THEMIS: variants seen among roughly 807,000 people sequenced by gnomAD.
THEMIS encodes thymocyte selection associated, also known as protein THEMIS.
In THEMIS, 37 loss-of-function variants were observed where a neutral mutation model predicts 52.6. That is an observed-to-expected ratio of 0.70 (90% CI 0.54 to 0.93). THEMIS has a LOEUF of 0.93. Among genes scored for constraint, THEMIS ranks in the 40% least tolerant of loss-of-function variants. The probability of loss-of-function intolerance (pLI) is 0.00; values close to 1 mark genes in which losing one functional copy is unlikely to be tolerated. For synonymous variants in THEMIS, 292 were observed against 272.7 expected (o/e 1.07, Z -0.70); for missense variants, 808 against 763.1 (o/e 1.06, Z -0.69).
intron 4 of THEMIS, among the ~76,000 whole-genome samples, chr6:127,734,969 A>G (rs1356877386): frequency 7.6e-6 from 1 of 132,416 alleles, no homozygotes. Flanking sequence ...GTGTGTGTGT[A>G]TATGTGTGTG....
chr6:127,806,055 C>T (rs1340074545), intron 4 of THEMIS, among the ~76,000 whole-genome samples: 1 of 151,748 alleles, frequency 6.6e-6, no homozygotes, highest in Admixed American at 6.6e-5. Context: ...TGATTACAGG[C>T]ACTAAAATTT....
At chr6:127,775,194 T>A (rs1396046615) in intron 4 of THEMIS, among the ~76,000 whole-genome samples, 1 of 152,178 alleles carries the variant, frequency 6.6e-6, no homozygotes, top group African/African-American at 2.4e-5. Flanking sequence ...TGCAGCTGCA[T>A]AGTGTTCTTA....
chr6:127,842,358 A>G (rs1039389680), intron 2 of THEMIS, among the ~76,000 whole-genome samples: 1 of 152,038 alleles, frequency 6.6e-6, no homozygotes, highest in Non-Finnish European at 1.5e-5. Flanking sequence ...AGAATTAACA[A>G]TGTTAATGTA....
At chr6:127,789,397 A>C (rs1419417468) in intron 4 of THEMIS, among the ~76,000 whole-genome samples, 1 of 152,116 alleles carries the variant, frequency 6.6e-6, no homozygotes, top group Non-Finnish European at 1.5e-5. Flanking sequence ...CTTACCAATC[A>C]AAAAAAGCCT....
chr6:127,703,550 A>G (rs954840945), downstream of THEMIS, among the ~76,000 whole-genome samples: 1 of 152,134 alleles, frequency 6.6e-6, no homozygotes, highest in Non-Finnish European at 1.5e-5. Flanking sequence ...TGACAAGAAT[A>G]TGTTGAATGA....
At chr6:127,870,578 A>C (rs1780127424) in intron 1 of THEMIS, among the ~76,000 whole-genome samples, 1 of 152,212 alleles carries the variant, frequency 6.6e-6, no homozygotes, top group Non-Finnish European at 1.5e-5. Flanking sequence ...AAAAAACATA[A>C]CCCAAAGACA....
intron 1 of THEMIS, among the ~76,000 whole-genome samples, chr6:127,879,694 C>A (rs1173773561): frequency 6.7e-6 from 1 of 149,794 alleles, no homozygotes; most frequent in Non-Finnish European, 1.5e-5. Flanking sequence ...AAATTATTTG[C>A]GGGCAGGGTG....
chr6:127,743,326 C>T (rs1355983728), intron 4 of THEMIS, among the ~76,000 whole-genome samples: 1 of 152,076 alleles, frequency 6.6e-6, no homozygotes, highest in African/African-American at 2.4e-5. Flanking sequence ...ATGCCATCAC[C>T]CTCAATTTTT....
At chr6:127,755,171 C>A (rs1412646578) in intron 4 of THEMIS, among the ~76,000 whole-genome samples, 2 of 152,166 alleles carry the variant, frequency 1.3e-5, no homozygotes, top group African/African-American at 4.8e-5. Flanking sequence ...TGCTCTTGCA[C>A]TATATCTAGC....
intron 4 of THEMIS, among the ~76,000 whole-genome samples, chr6:127,758,121 A>C (rs1187330040): frequency 6.6e-6 from 1 of 151,272 alleles, no homozygotes; most frequent in Non-Finnish European, 1.5e-5. Context: ...AAAATTATAC[A>C]TAAAATTAAC....
At chr6:127,723,029 A>C (rs1209375401) in intron 4 of THEMIS, among the ~76,000 whole-genome samples, 4 of 151,898 alleles carry the variant, frequency 2.6e-5, no homozygotes, top group African/African-American at 9.7e-5. Context: ...CTCCAATATT[A>C]AGTATGTTCC....
chr6:127,727,153 G>C (rs1248090307), intron 4 of THEMIS, among the ~76,000 whole-genome samples: 1 of 152,132 alleles, frequency 6.6e-6, no homozygotes, highest in Non-Finnish European at 1.5e-5. Context: ...AGCTCTTTGT[G>C]TAGAGATAAA....
downstream of THEMIS, among the ~76,000 whole-genome samples, chr6:127,704,423 G>A (rs75695601): frequency 0.017 from 2,517 of 152,194 alleles, 78 homozygotes; most frequent in African/African-American, 0.058. Context: ...GCTGATGGGC[G>A]TCTAATAGAT....
the THEMIS span, among the ~76,000 whole-genome samples, chr6:127,699,697 G>T: frequency 1.3e-5 from 2 of 151,668 alleles, no homozygotes; most frequent in African/African-American, 2.4e-5. Flanking sequence ...TCTGTTTAAC[G>T]AATAGTGATG....
At chr6:127,757,351 T>C (rs1775862303) in intron 4 of THEMIS, among the ~76,000 whole-genome samples, 1 of 152,218 alleles carries the variant, frequency 6.6e-6, no homozygotes, top group African/African-American at 2.4e-5. Flanking sequence ...GATACTAATA[T>C]GTTTAAGTAC....
intron 2 of THEMIS, among the ~76,000 whole-genome samples, chr6:127,849,353 G>A (rs144632897): frequency 0.018 from 2,775 of 152,058 alleles, 102 homozygotes; most frequent in African/African-American, 0.063. Context: ...TTGAAGTCAG[G>A]TAGCGTGATG....
intron 4 of THEMIS, among the ~76,000 whole-genome samples, chr6:127,788,271 A>G (rs1206762414): frequency 1.3e-5 from 2 of 152,174 alleles, no homozygotes; most frequent in African/African-American, 4.8e-5. Context: ...TCTTTCCTCA[A>G]AAAGATTGGA....
intron 4 of THEMIS, among the ~76,000 whole-genome samples, chr6:127,812,113 A>G (rs1420972116): frequency 1.3e-5 from 2 of 151,874 alleles, no homozygotes; most frequent in African/African-American, 2.4e-5. Context: ...TCCACACACC[A>G]CAGAACCACG....
chr6:127,702,298 C>T, the THEMIS span, among the ~76,000 whole-genome samples: 1 of 152,102 alleles, frequency 6.6e-6, no homozygotes, highest in African/African-American at 2.4e-5. Context: ...GAAATTTCAC[C>T]ATGAGTTGTA....
Sources: gnomAD v4.1 joint callset for allele counts (sites outside exome capture counted in the v4.1 genomes callset) on GRCh38, gnomAD v4.1.1 for gene constraint, MANE v1.5 for transcripts, NCBI Gene and HGNC (gene_info 2026-07-23, HGNC 2026-07-21) for gene names.